RELN: variants seen among roughly 807,000 people sequenced by gnomAD.
RELN encodes reelin.
A neutral mutation model predicts 427.6 loss-of-function variants in RELN; 108 were observed. That is an observed-to-expected ratio of 0.25 (90% CI 0.22 to 0.30). The LOEUF (loss-of-function observed/expected upper bound fraction) is 0.30. Among genes scored for constraint, RELN ranks in the 10% least tolerant of loss-of-function variants. The pLI, the probability that RELN is intolerant of heterozygous loss-of-function variation, is 1.00. For synonymous variants in RELN, 1,524 were observed against 1,513.4 expected (o/e 1.01, Z -0.16); for missense variants, 3,715 against 4,302.8 (o/e 0.86, Z 3.82).
intron 20 of RELN, among the ~76,000 whole-genome samples, chr7:103,625,673 A>T (rs1371275306): frequency 2.6e-5 from 4 of 152,152 alleles, no homozygotes; most frequent in African/African-American, 9.6e-5. Context: ...GTTCACATGT[A>T]TCCCCCCTTT....
At chr7:103,676,060 T>C (rs981751353) in intron 11 of RELN, among the ~76,000 whole-genome samples, 5 of 149,856 alleles carry the variant, frequency 3.3e-5, no homozygotes, top group African/African-American at 4.9e-5. Context: ...AACTAAAGAG[T>C]TTCTGCACAA....
intron 40 of RELN, among the ~76,000 whole-genome samples, chr7:103,552,501 C>CT (rs35546410): frequency 0.015 from 1,796 of 119,318 alleles, 24 homozygotes; most frequent in East Asian, 0.041. Flanking sequence ...TTCCTGAATT[C>CT]TTTTTTTTTT....
At position 103,652,777 on chromosome 7, in the gene RELN, C is replaced by T; in HGVS notation, c.1555-18G>A. On this transcript the variant is annotated intron_variant, in intron 13 of 64. Coordinates refer to ENST00000428762, the MANE Select transcript of RELN (RefSeq NM_005045.4). ...GACGGAACCTTTCAAACAAAGGAGA[C>T]CAGAATCACTCAAAATCCTTTCTAG... 6.2e-7 allele frequency: 1 copy of T among 1,608,212 alleles called. No individual in the cohort carries two copies. Among genetic ancestry groups the T allele is most frequent in the Non-Finnish European group, 8.5e-7 (1 of 1,175,358 alleles).
intron 1 of RELN, among the ~76,000 whole-genome samples, chr7:103,940,472 G>C (rs1370058875): frequency 6.6e-6 from 1 of 152,152 alleles, no homozygotes; most frequent in Non-Finnish European, 1.5e-5. Context: ...CGTGGTTACT[G>C]AAAGTAATCA....
At chr7:103,747,016 A>T (rs1346461973) in intron 6 of RELN, among the ~76,000 whole-genome samples, 1 of 152,184 alleles carries the variant, frequency 6.6e-6, no homozygotes, top group Non-Finnish European at 1.5e-5. Context: ...AACCAACCTA[A>T]ATGTCCAACA....
At chr7:103,594,178 G>T in intron 26 of RELN, 143 bp downstream of exon 26, 1 of 877,974 alleles carries the variant, frequency 1.1e-6, no homozygotes, top group Non-Finnish European at 1.9e-6. Context: ...GTAGCATAGA[G>T]AGGTAACAAA....
At chr7:103,546,418 T>G (rs1007125149) in intron 41 of RELN, among the ~76,000 whole-genome samples, 1 of 152,232 alleles carries the variant, frequency 6.6e-6, no homozygotes, top group Non-Finnish European at 1.5e-5. Flanking sequence ...GACATTTGGT[T>G]GTTTCCATTT....
At chr7:103,859,914 A>G (rs1396233934) in intron 2 of RELN, among the ~76,000 whole-genome samples, 1 of 152,204 alleles carries the variant, frequency 6.6e-6, no homozygotes, top group African/African-American at 2.4e-5. Flanking sequence ...CACCAAGATG[A>G]CTTCATTAAA....
At chr7:103,766,776 A>G (rs1247465856) in intron 4 of RELN, among the ~76,000 whole-genome samples, 5 of 152,190 alleles carry the variant, frequency 3.3e-5, no homozygotes, top group African/African-American at 1.2e-4. Context: ...TCTACCACTC[A>G]CTGTTCTGAG....
At chr7:103,690,195 C>T (rs973744229) in intron 10 of RELN, among the ~76,000 whole-genome samples, 6 of 152,028 alleles carry the variant, frequency 3.9e-5, no homozygotes, top group African/African-American at 7.2e-5. Flanking sequence ...AGTGTTCATG[C>T]CACTGCAAGT....
chr7:103,538,187 C>T (rs1830098421), intron 45 of RELN, among the ~76,000 whole-genome samples: 1 of 152,190 alleles, frequency 6.6e-6, no homozygotes, highest in South Asian at 2.1e-4. Flanking sequence ...TACGTTCAGA[C>T]TAATGAGAAT....
At chr7:103,650,853 G>C (rs904271286) in intron 15 of RELN, among the ~76,000 whole-genome samples, 2 of 152,092 alleles carry the variant, frequency 1.3e-5, no homozygotes, top group East Asian at 1.9e-4. Flanking sequence ...TCAAACTTCT[G>C]ACCTCAAGAA....
chr7:103,518,237 A>G (rs1829614262), intron 49 of RELN, among the ~76,000 whole-genome samples: 1 of 152,006 alleles, frequency 6.6e-6, no homozygotes. Context: ...GATATATTGA[A>G]TTTAAATGAT....
Position 103,589,758 on chromosome 7 carries a change from C to T in RELN, c.3983G>A (p.Gly1328Asp). The change falls in exon 28 of 65, where the codon GGT becomes GAT. Residue 1328 changes from glycine (G) to aspartate (D), a missense_variant. This residue lies in a region of RELN where 2,208 missense variants were observed against 2,361.7 expected (regional missense o/e 0.93). Transcript: ENST00000428762. Reference protein sequence around the residue: ...PVLLQYSHDAGMSWFLVKEGC... With the variant: ...PVLLQYSHDADMSWFLVKEGC... ...TTCTTTCACCAGAAACCAGGACATA[C>T]CAGCATCATGAGAGTACTGAAGAAG... The T allele has an allele frequency of 6.2e-7, 1 of 1,613,760 alleles. No individual in the cohort carries two copies. Among genetic ancestry groups the T allele is most frequent in the Non-Finnish European group, 8.5e-7 (1 of 1,179,672 alleles).
At chr7:103,567,107 T>C (rs759822191) in intron 31 of RELN, among the ~76,000 whole-genome samples, 2 of 152,246 alleles carry the variant, frequency 1.3e-5, no homozygotes, top group African/African-American at 2.4e-5. Flanking sequence ...ATCATTATTA[T>C]ATATTCAGAA....
chr7:103,532,210 A>G (rs2079954), intron 46 of RELN, among the ~76,000 whole-genome samples: 24,239 of 152,152 alleles, frequency 0.16, 2,666 homozygotes, highest in South Asian at 0.3. Flanking sequence ...CAAATACCAT[A>G]TGTTCTCACT....
chr7:103,625,854 T>C lies in RELN; in HGVS notation c.2702+4086A>G, dbSNP rs147414961. Among the ~76,000 whole-genome samples the C allele has an allele frequency of 8.8e-4, 134 of 152,230 alleles. 2 individuals carry two copies. The highest frequency in any genetic ancestry group is 3.1e-3 in the African/African-American group (129 of 41,564). On this transcript the variant is annotated intron_variant, in intron 20 of 64. Coordinates refer to ENST00000428762, the MANE Select transcript of RELN (RefSeq NM_005045.4). ...ATTCGAAAAAGAAATCATTAAAATATGTCACCTTCTAGAAATTATAAAAGA... is the reference window on the plus strand; with the variant it reads ...ATTCGAAAAAGAAATCATTAAAATACGTCACCTTCTAGAAATTATAAAAGA...
chr7:103,611,130 G>A (rs1258196366), intron 21 of RELN, among the ~76,000 whole-genome samples: 1 of 152,172 alleles, frequency 6.6e-6, no homozygotes, highest in Non-Finnish European at 1.5e-5. Context: ...GTAAAAATTA[G>A]TTTATTCACT....
chr7:103,874,742 T>C (rs1255073126), intron 2 of RELN, among the ~76,000 whole-genome samples: 1 of 150,930 alleles, frequency 6.6e-6, no homozygotes, highest in African/African-American at 2.4e-5. Context: ...TCCATGTTCA[T>C]GGGTAGGAAG....
Sources: gnomAD v4.1 joint callset for allele counts (sites outside exome capture counted in the v4.1 genomes callset) on GRCh38, gnomAD v4.1.1 for gene constraint, gnomAD v4.1.1 regional missense constraint, MANE v1.5 for transcripts, NCBI Gene and HGNC (gene_info 2026-07-23, HGNC 2026-07-21) for gene names.